The following TJAP1 variants were observed in gnomAD, a reference collection of about 807,000 sequenced individuals.
TJAP1 encodes the protein tight junction associated protein 1.
A neutral mutation model predicts 42.0 loss-of-function variants in TJAP1; 27 were observed. That is an observed-to-expected ratio of 0.64 (90% CI 0.47 to 0.89). The LOEUF is 0.89. Ranked by LOEUF, TJAP1 falls within the 40% of genes least tolerant of loss-of-function variation. The probability of loss-of-function intolerance (pLI) is 0.00; values close to 1 mark genes in which losing one functional copy is unlikely to be tolerated. For synonymous variants in TJAP1, 257 were observed against 288.4 expected (o/e 0.89, Z 1.10); for missense variants, 712 against 726.9 (o/e 0.98, Z 0.24).
At chr6:43,498,820 C>T (rs1319546630) in intron 3 of TJAP1, 158 bp from the exon 4 acceptor site, 2 of 674,134 alleles carry the variant, frequency 3.0e-6, no homozygotes, top group East Asian at 3.1e-5. Context: ...GACTGACACA[C>T]CTAAGTCCTG....
chr6:43,483,620 C>T (rs1371460784), intron 2 of TJAP1, among the ~76,000 whole-genome samples: 2 of 152,112 alleles, frequency 1.3e-5, no homozygotes, highest in African/African-American at 2.4e-5. Context: ...GGAGAGGAGT[C>T]GGTGGGAATG....
chr6:43,484,577 C>G (rs1229597678), intron 2 of TJAP1, among the ~76,000 whole-genome samples: 1 of 152,158 alleles, frequency 6.6e-6, no homozygotes, highest in East Asian at 1.9e-4. Context: ...TAAAATAAGC[C>G]TTTTGATTTC....
At chr6:43,502,983 G>T in intron 8 of TJAP1, 1 of 460,890 alleles carries the variant, frequency 2.2e-6, no homozygotes, top group Non-Finnish European at 4.0e-6. Flanking sequence ...GCTCAACAAG[G>T]TGCCCTGGCT....
intron 2 of TJAP1, chr6:43,497,407 A>G (rs1327528442): frequency 6.6e-6 from 1 of 152,164 alleles, no homozygotes; most frequent in Non-Finnish European, 1.5e-5. Flanking sequence ...TTATACACCA[A>G]ATAGCCTTGG....
chr6:43,500,866 T>C, intron 5 of TJAP1, 94 bp downstream of exon 5: 1 of 1,474,898 alleles, frequency 6.8e-7, no homozygotes, highest in Non-Finnish European at 9.5e-7. Flanking sequence ...TTCCCTTGGA[T>C]TAGGTAGAAA....
Position 43,478,016 on chromosome 6 carries a change from G to A in TJAP1, c.-267-71G>A, listed in dbSNP as rs1013471111. ...TCTAGTAGAGTGGGATAGTGAGGAA[G>A]AGAGATCTGGAGGATGCCGGGCAGA... On this transcript the variant is annotated intron_variant, in intron 1 of 10. Transcript: ENST00000372449. 20 of 152,320 alleles carry A rather than the reference G, an allele frequency of 1.3e-4. 1 individual carries two copies. The highest frequency in any genetic ancestry group is 3.4e-4 in the African/African-American group (14 of 41,456). The allele number at this position is 152,320 out of a possible 1,614,324, so 9.4% of individuals were successfully genotyped here.
intron 2 of TJAP1, among the ~76,000 whole-genome samples, chr6:43,487,983 C>CCTCA (rs1391398670): frequency 6.6e-6 from 1 of 151,762 alleles, no homozygotes; most frequent in Admixed American, 6.6e-5. Context: ...GATTCTCCTG[C>CCTCA]CTCAGCCTCC....
Position 43,502,622 on chromosome 6 carries a change from C to T in TJAP1, c.387+5C>T, listed in dbSNP as rs1256730634. 4.5e-6 allele frequency: 7 copies of T among 1,551,772 alleles called. No homozygotes were observed. The highest frequency in any genetic ancestry group is 5.2e-6 in the Non-Finnish European group (6 of 1,146,998). ...AGCCACAGCTGGATTTTTGCAGTTG[C>T]GTCTGAGTTTGTGTGTCTTCTCCCT... is the stretch of plus-strand genomic sequence containing the variant. On this transcript the variant is annotated splice_donor_5th_base_variant and intron_variant, in intron 8 of 10. Coordinates refer to ENST00000372449, the Ensembl canonical transcript of TJAP1.
At chr6:43,484,694 G>A (rs1201949354) in intron 2 of TJAP1, among the ~76,000 whole-genome samples, 1 of 152,026 alleles carries the variant, frequency 6.6e-6, no homozygotes, top group Non-Finnish European at 1.5e-5. Flanking sequence ...TGAGCAGCCT[G>A]TGCAGAGATT....
In TJAP1 at chr6:43,490,774, C is replaced by CTGGGAAGGG. The variant is rs543350081; in HGVS notation, c.-121-7104_-121-7096dup. 2.0e-3 allele frequency among the ~76,000 whole-genome samples: 304 copies of CTGGGAAGGG among 152,298 alleles called. 2 individuals carry two copies. Among genetic ancestry groups the CTGGGAAGGG allele is most frequent in the Non-Finnish European group, 3.4e-3 (232 of 68,020 alleles). ...TCTGGTGGACTTTAGCCATGAAAAGCTGGGAAGGGTGCCTCAGTAGAGTGG... is the reference window on the plus strand; with the variant it reads ...TCTGGTGGACTTTAGCCATGAAAAGCTGGGAAGGGTGGGAAGGGTGCCTCAGTAGAGTGG... On this transcript the variant is annotated intron_variant, in intron 2 of 10. Transcript: ENST00000372449.
chr6:43,500,847 A>C, intron 5 of TJAP1, 75 bp downstream of exon 5: 1 of 1,561,082 alleles, frequency 6.4e-7, no homozygotes, highest in Middle Eastern at 1.7e-4. Flanking sequence ...CTGTTGGTAC[A>C]GTTGGACTTT....
At chr6:43,500,889 TG>T in intron 5 of TJAP1, 117 bp downstream of exon 5, 1 of 1,297,604 alleles carries the variant, frequency 7.7e-7, no homozygotes, top group Non-Finnish European at 1.1e-6. Context: ...AAGGTTGGGA[TG>T]GGTTGTTTTA....
chr6:43,486,872 A>G (rs1365245648), intron 2 of TJAP1, among the ~76,000 whole-genome samples: 1 of 152,198 alleles, frequency 6.6e-6, no homozygotes, highest in East Asian at 1.9e-4. Flanking sequence ...GGATGAAACC[A>G]ATAGCTAAAA....
rs1213051446 is a variant in TJAP1, at chr6:43,501,665, A to G, written c.268A>G (p.Lys90Glu). The change falls in exon 6 of 11, where the codon AAA becomes GAA. Residue 90 changes from lysine to glutamate, a missense_variant. Lys to Glu is a moderately conservative substitution (Grantham distance 56, BLOSUM62 1). Around this residue, in one of 3 missense-constraint regions of TJAP1, gnomAD observed 158 missense variants for 182.1 expected, o/e 0.87. Transcript: ENST00000372449. ...GGGCCAGAGCCGCGAGGAGCTGGAC[A>G]AATTTAAGGATAAGTTCCGCAGGTG... 17 of 1,364,866 alleles carry G rather than the reference A, an allele frequency of 1.2e-5. No individual in the cohort carries two copies. The highest frequency in any genetic ancestry group is 1.8e-5 in the Non-Finnish European group (17 of 953,304). 84.5% of individuals were successfully genotyped at this position (1,364,866 alleles called of 1,614,324 possible).
chr6:43,498,329 G>C (rs1460169094), intron 3 of TJAP1, among the ~76,000 whole-genome samples: 1 of 152,218 alleles, frequency 6.6e-6, no homozygotes, highest in Non-Finnish European at 1.5e-5. Context: ...ACTTTGGAAG[G>C]CCAAGACAGA....
intron 2 of TJAP1, among the ~76,000 whole-genome samples, chr6:43,496,042 A>C (rs2127574178): frequency 6.6e-6 from 1 of 152,208 alleles, no homozygotes; most frequent in South Asian, 2.1e-4. Flanking sequence ...GGGCACACAA[A>C]GGGGCCTGCA....
At chr6:43,484,996 A>G (rs1253966243) in intron 2 of TJAP1, among the ~76,000 whole-genome samples, 1 of 152,120 alleles carries the variant, frequency 6.6e-6, no homozygotes, top group African/African-American at 2.4e-5. Flanking sequence ...CCAAAGTGCC[A>G]GGATTACAGG....
Position 43,498,989 on chromosome 6 carries a change from G to A in TJAP1, c.-13G>A, listed in dbSNP as rs201816267. 1,202 of 1,612,996 alleles carry A rather than the reference G, an allele frequency of 7.5e-4. 1 individual carries two copies. The highest frequency in any genetic ancestry group is 9.5e-4 in the Non-Finnish European group (1,122 of 1,179,770). Reference sequence around the variant, plus strand: ...TTGCTTCTCAGCAGGCGGAGGAGCCGTCACCTCCCAGAATGACTAGTGCCG... The same window carrying A: ...TTGCTTCTCAGCAGGCGGAGGAGCCATCACCTCCCAGAATGACTAGTGCCG... On this transcript the variant is annotated 5_prime_UTR_variant, in exon 4 of 11. Transcript: ENST00000372449.
At chr6:43,496,208 A>G (rs1044064146) in intron 2 of TJAP1, among the ~76,000 whole-genome samples, 1 of 151,986 alleles carries the variant, frequency 6.6e-6, no homozygotes, top group Admixed American at 6.6e-5. Context: ...TCACTCTTCC[A>G]TCTCTGGCCA....
Sources: gnomAD v4.1 joint callset for allele counts (sites outside exome capture counted in the v4.1 genomes callset) on GRCh38, gnomAD v4.1.1 for gene constraint, gnomAD v4.1.1 regional missense constraint, MANE v1.5 for transcripts, NCBI Gene and HGNC (gene_info 2026-07-23, HGNC 2026-07-21) for gene names.